PIK3C2G: variants seen among roughly 807,000 people sequenced by gnomAD.
The protein encoded by PIK3C2G is phosphatidylinositol-4-phosphate 3-kinase catalytic subunit type 2 gamma, also known as phosphatidylinositol 3-kinase C2 domain-containing subunit gamma.
A neutral mutation model predicts 181.1 loss-of-function variants in PIK3C2G; 168 were observed. That is an observed-to-expected ratio of 0.93 (90% CI 0.82 to 1.05). The LOEUF (loss-of-function observed/expected upper bound fraction) is 1.05, where lower values mean the gene tolerates loss of function less well. Ranked by LOEUF, PIK3C2G falls within the 50% of genes least tolerant of loss-of-function variation. The pLI, the probability that PIK3C2G is intolerant of heterozygous loss-of-function variation, is 0.00. For missense variants in PIK3C2G, 1,869 were observed against 1,732.8 expected (o/e 1.08, Z -1.40); for synonymous variants, 573 against 592.2 (o/e 0.97, Z 0.47).
chr12:18,278,638 C>T (rs1591810580), intron 1 of PIK3C2G, among the ~76,000 whole-genome samples: 1 of 152,074 alleles, frequency 6.6e-6, no homozygotes, highest in Non-Finnish European at 1.5e-5. Context: ...CTTAGACATG[C>T]CTTCTCAAAT....
At chr12:18,496,233 T>C (rs1592408638) in intron 21 of PIK3C2G, 79 bp downstream of exon 21, 1 of 869,570 alleles carries the variant, frequency 1.1e-6, no homozygotes, top group South Asian at 1.7e-5. Flanking sequence ...GAAATTGTTG[T>C]GGCTATTTTC....
Position 18,261,565 on chromosome 12 carries a change from A to G in PIK3C2G, c.-91A>G. The G allele has an allele frequency of 6.6e-6, 1 of 152,134 alleles. No homozygotes were observed. Among genetic ancestry groups the G allele is most frequent in the East Asian group, 1.9e-4 (1 of 5,190 alleles). 9.4% of individuals were successfully genotyped at this position (152,134 alleles called of 1,614,324 possible). ...TGAGATCGTGTTTCATTTCAGGAAGATATATGCGTCAGGTAAGAAACTAAA... is the reference window on the plus strand; with the variant it reads ...TGAGATCGTGTTTCATTTCAGGAAGGTATATGCGTCAGGTAAGAAACTAAA... On this transcript the variant is annotated 5_prime_UTR_variant, in exon 1 of 33. Coordinates refer to ENST00000538779, the MANE Select transcript of PIK3C2G (RefSeq NM_001288772.2).
the PIK3C2G span, among the ~76,000 whole-genome samples, chr12:18,714,236 A>C: frequency 6.6e-6 from 1 of 152,182 alleles, no homozygotes; most frequent in Non-Finnish European, 1.5e-5. Context: ...TCACAGACAC[A>C]TACAAAGAGT....
intron 18 of PIK3C2G, among the ~76,000 whole-genome samples, chr12:18,460,431 A>G (rs1947854460): frequency 6.6e-6 from 1 of 151,686 alleles, no homozygotes; most frequent in South Asian, 2.1e-4. Context: ...AAAATTAGCC[A>G]GGTGTGGTGG....
chr12:18,269,333 T>C (rs1478771255), intron 1 of PIK3C2G, among the ~76,000 whole-genome samples: 2 of 152,186 alleles, frequency 1.3e-5, no homozygotes, highest in African/African-American at 2.4e-5. Context: ...CTATAATTTT[T>C]TTTTTGGTGA....
chr12:18,556,244 T>C (rs1367333575), intron 26 of PIK3C2G, among the ~76,000 whole-genome samples: 1 of 152,136 alleles, frequency 6.6e-6, no homozygotes, highest in African/African-American at 2.4e-5. Context: ...CAGGGAGCTA[T>C]TACTTGGATA....
At chr12:18,323,214 A>G (rs1041702534) in intron 7 of PIK3C2G, among the ~76,000 whole-genome samples, 2 of 152,114 alleles carry the variant, frequency 1.3e-5, no homozygotes, top group Non-Finnish European at 2.9e-5. Flanking sequence ...AATTCAGGGC[A>G]AAGCAAAAGT....
intron 24 of PIK3C2G, among the ~76,000 whole-genome samples, chr12:18,537,606 C>T (rs1240475288): frequency 6.6e-6 from 1 of 152,116 alleles, no homozygotes; most frequent in Non-Finnish European, 1.5e-5. Context: ...TTCTGACCAG[C>T]GTTTTTACTG....
chr12:18,683,189 G>T, the PIK3C2G span: 4 of 1,457,330 alleles, frequency 2.7e-6, no homozygotes, highest in Non-Finnish European at 3.8e-6. Context: ...ATTCATTTTG[G>T]CTGTTTTATT....
intron 24 of PIK3C2G, among the ~76,000 whole-genome samples, chr12:18,519,513 G>A (rs901800223): frequency 3.3e-5 from 5 of 152,024 alleles, no homozygotes; most frequent in African/African-American, 1.2e-4. Context: ...TTTAAAGTCC[G>A]TTTTGTCAGA....
chr12:18,353,890 A>C (rs74692230), intron 11 of PIK3C2G, among the ~76,000 whole-genome samples: 1,946 of 152,298 alleles, frequency 0.013, 38 homozygotes, highest in African/African-American at 0.045. Flanking sequence ...GGCTTGGTCC[A>C]AGTCCTACAT....
chr12:18,719,355 T>A, the PIK3C2G span: 1 of 819,910 alleles, frequency 1.2e-6, no homozygotes, highest in Non-Finnish European at 1.8e-6. Flanking sequence ...TTGTGCACTC[T>A]TGCCTACTGA....
chr12:18,466,933 G>A (rs989723084), intron 18 of PIK3C2G, among the ~76,000 whole-genome samples: 11 of 151,942 alleles, frequency 7.2e-5, no homozygotes, highest in Non-Finnish European at 1.6e-4. Context: ...TTCTAATTTA[G>A]TAGAACTAAT....
intron 31 of PIK3C2G, among the ~76,000 whole-genome samples, chr12:18,618,976 C>T (rs924069880): frequency 3.3e-5 from 5 of 151,866 alleles, no homozygotes; most frequent in African/African-American, 4.8e-5. Flanking sequence ...AAAGATCTTA[C>T]ATTTGTGCCT....
At chr12:18,637,020 G>C (rs1949633652) in intron 31 of PIK3C2G, among the ~76,000 whole-genome samples, 1 of 152,138 alleles carries the variant, frequency 6.6e-6, no homozygotes, top group African/African-American at 2.4e-5. Context: ...GGCCCACTGT[G>C]AGACAGACAT....
chr12:18,695,409 AT>A, the PIK3C2G span, among the ~76,000 whole-genome samples: 3 of 152,206 alleles, frequency 2.0e-5, no homozygotes, highest in African/African-American at 7.2e-5. Flanking sequence ...GTATCAGTGC[AT>A]TGAATGCAAG....
chr12:18,312,291 T>A (rs1950671862), intron 5 of PIK3C2G, among the ~76,000 whole-genome samples: 1 of 152,124 alleles, frequency 6.6e-6, no homozygotes, highest in South Asian at 2.1e-4. Context: ...CGCAGGTGGA[T>A]AAAATAAAGA....
intron 18 of PIK3C2G, among the ~76,000 whole-genome samples, chr12:18,446,049 T>C (rs894012163): frequency 6.6e-6 from 1 of 152,168 alleles, no homozygotes; most frequent in African/African-American, 2.4e-5. Context: ...GTAAGAAAAG[T>C]AGATAATTTT....
At chr12:18,682,023 T>C in the PIK3C2G span, among the ~76,000 whole-genome samples, 1 of 151,998 alleles carries the variant, frequency 6.6e-6, no homozygotes, top group African/African-American at 2.4e-5. Context: ...ATAAGATCCA[T>C]TCATTATCTG....
Sources: allele counts gnomAD v4.1 joint callset (sites outside exome capture counted in the v4.1 genomes callset), GRCh38; gene constraint gnomAD v4.1.1; transcripts MANE v1.5; gene names NCBI Gene and HGNC (gene_info 2026-07-23, HGNC 2026-07-21).